TIMM17A: variants seen among roughly 807,000 people sequenced by gnomAD.
TIMM17A encodes the protein translocase of inner mitochondrial membrane 17A.
In TIMM17A, 15 loss-of-function variants were observed where a neutral mutation model predicts 26.5. That is an observed-to-expected ratio of 0.57 (90% CI 0.38 to 0.87). The LOEUF (loss-of-function observed/expected upper bound fraction) is 0.87, where lower values mean the gene tolerates loss of function less well. Among genes scored for constraint, TIMM17A ranks in the 40% least tolerant of loss-of-function variants. The pLI is 0.00. For missense variants in TIMM17A, 201 were observed against 210.0 expected, an observed-to-expected ratio of 0.96 and a Z score of 0.27; for synonymous variants, 80 against 70.8, an observed-to-expected ratio of 1.13 and a Z score of -0.66.
At chr1:201,955,925 G>T (rs1373802642) in intron 1 of TIMM17A, among the ~76,000 whole-genome samples, 1 of 152,198 alleles carries the variant, frequency 6.6e-6, no homozygotes, top group Non-Finnish European at 1.5e-5. Flanking sequence ...CCTCCGTCTC[G>T]CCTTGCTCAG....
intron 1 of TIMM17A, 36 bp from the exon 2 acceptor site, chr1:201,957,245 T>C: frequency 2.9e-6 from 4 of 1,360,166 alleles, no homozygotes; most frequent in Non-Finnish European, 4.2e-6. Flanking sequence ...GGTTTGTGAA[T>C]GAGAAATATG....
At position 201,969,694 on chromosome 1, in the gene TIMM17A, T is replaced by G. The variant is rs1682698011; in HGVS notation, c.*140T>G. 1.6e-6 allele frequency: 1 copy of G among 621,826 alleles called. No homozygotes were observed. Among genetic ancestry groups the G allele is most frequent in the East Asian group, 2.9e-5 (1 of 35,070 alleles). 38.5% of individuals were successfully genotyped at this position (621,826 alleles called of 1,614,324 possible). A position where few individuals can be genotyped will look rare whatever the true frequency, so the allele number is the denominator to read the frequency against. ...CTATAAAGAGACATTTAGCACTTTTTTCTATTTAAAGGAACAAGCGGGGAA... is the reference window on the plus strand; with the variant it reads ...CTATAAAGAGACATTTAGCACTTTTGTCTATTTAAAGGAACAAGCGGGGAA... On this transcript the variant is annotated 3_prime_UTR_variant, in exon 6 of 6. Coordinates refer to ENST00000367287, the MANE Select transcript of TIMM17A (RefSeq NM_006335.3).
chr1:201,957,744 A>G (rs1179359349), intron 3 of TIMM17A, 170 bp downstream of exon 3: 2 of 569,848 alleles, frequency 3.5e-6, no homozygotes, highest in Admixed American at 3.7e-5. Context: ...TGAAAAATTA[A>G]CCTGAATTAT....
At chr1:201,960,127 C>T (rs563489280) in intron 3 of TIMM17A, among the ~76,000 whole-genome samples, 1 of 152,186 alleles carries the variant, frequency 6.6e-6, no homozygotes, top group South Asian at 2.1e-4. Flanking sequence ...CGGCCGGGCA[C>T]AGTGGCTCAC....
At chr1:201,963,405 G>C (rs1682569862) in intron 3 of TIMM17A, 1 of 485,816 alleles carries the variant, frequency 2.1e-6, no homozygotes, top group African/African-American at 2.0e-5. Flanking sequence ...TTGGGCCGTT[G>C]CTAATTTTCC....
chr1:201,957,882 A>C (rs1013222128), intron 3 of TIMM17A: 6 of 245,908 alleles, frequency 2.4e-5, no homozygotes, highest in Non-Finnish European at 4.7e-5. Context: ...TCACGCCTGT[A>C]ATCCCAGCAC....
intron 5 of TIMM17A, among the ~76,000 whole-genome samples, chr1:201,969,210 C>T (rs911838040): frequency 2.6e-5 from 4 of 152,086 alleles, no homozygotes; most frequent in East Asian, 3.9e-4. Flanking sequence ...ATAATTAATC[C>T]GTCTGACTTT....
intron 1 of TIMM17A, among the ~76,000 whole-genome samples, 153 bp downstream of exon 1, chr1:201,955,705 C>A (rs1185888174): frequency 6.6e-6 from 1 of 152,264 alleles, no homozygotes; most frequent in Non-Finnish European, 1.5e-5. Flanking sequence ...CGCGGCCAGT[C>A]GGCTTCTTAG....
rs1682441215 is a variant in TIMM17A at position 201,957,707 on chromosome 1, T to C, written c.190+133T>C. ...GGTTTGTCACAAACATATATCCCTA[T>C]AGTTTCTTCTTGATTTGTAGTTTGT... On this transcript the variant is annotated intron_variant, in intron 3 of 5. Transcript: ENST00000367287. 9.3e-6 allele frequency: 6 copies of C among 642,862 alleles called. No individual in the cohort carries two copies. In the South Asian group the frequency reaches 1.5e-4, roughly 16 times the overall value. The allele number at this position is 642,862 out of a possible 1,614,324, so 39.8% of individuals were successfully genotyped here. A position where few individuals can be genotyped will look rare whatever the true frequency, so the allele number is the denominator to read the frequency against.
At chr1:201,957,688 T>G (rs183495676) in intron 3 of TIMM17A, 114 bp downstream of exon 3, 1,141 of 850,290 alleles carry the variant, frequency 1.3e-3, no homozygotes, top group Non-Finnish European at 1.8e-3. Flanking sequence ...TAACGGTTTG[T>G]CACAAACATA....
chr1:201,967,695 G>C (rs1428726007), intron 5 of TIMM17A, among the ~76,000 whole-genome samples: 1 of 151,110 alleles, frequency 6.6e-6, no homozygotes, highest in Non-Finnish European at 1.5e-5. Context: ...GGTGTGCACC[G>C]CTATGCCCGG....
At chr1:201,962,260 G>A (rs2820308) in intron 3 of TIMM17A, 118,134 of 152,148 alleles carry the variant, frequency 0.78, 46,256 homozygotes, top group Non-Finnish European at 0.83. Flanking sequence ...TAACTGGTTT[G>A]TTTTTACATA....
chr1:201,963,767 C>T (rs1403521857), intron 4 of TIMM17A, 23 bp downstream of exon 4: 1 of 1,570,378 alleles, frequency 6.4e-7, no homozygotes, highest in Non-Finnish European at 8.6e-7. Context: ...TACAGACATA[C>T]TAGTAGAAGC....
chr1:201,967,036 A>G (rs1254282295), intron 5 of TIMM17A, among the ~76,000 whole-genome samples: 2 of 79,952 alleles, frequency 2.5e-5, no homozygotes, highest in African/African-American at 4.6e-5. Context: ...TAGTGAGGAT[A>G]GTAGTAGTGA....
At chr1:201,964,655 T>A (rs1228075428) in intron 4 of TIMM17A, among the ~76,000 whole-genome samples, 45 of 132,388 alleles carry the variant, frequency 3.4e-4, no homozygotes, top group South Asian at 1.2e-3. Context: ...TTTTTTTTTT[T>A]TTTTTTTTTT....
At chr1:201,969,373 TTTG>T in intron 5 of TIMM17A, 93 bp from the exon 6 acceptor site, 1 of 970,814 alleles carries the variant, frequency 1.0e-6, no homozygotes, top group Non-Finnish European at 1.6e-6. Flanking sequence ...AGCACATTTT[TTTG>T]TTGTTGATTG....
chr1:201,968,259 C>A (rs922540906), intron 5 of TIMM17A, among the ~76,000 whole-genome samples: 1 of 152,002 alleles, frequency 6.6e-6, no homozygotes, highest in Non-Finnish European at 1.5e-5. Context: ...CCTTGACCTC[C>A]CAAAGTGCTG....
At chr1:201,955,678 TG>T in intron 1 of TIMM17A, 126 bp downstream of exon 1, 1 of 1,318,062 alleles carries the variant, frequency 7.6e-7, no homozygotes. Context: ...GCCTGGTAAC[TG>T]GGCAATGCGG....
At chr1:201,962,586 A>G (rs550900636) in intron 3 of TIMM17A, 1 of 152,142 alleles carries the variant, frequency 6.6e-6, no homozygotes, top group Non-Finnish European at 1.5e-5. Context: ...TTCTGACCTC[A>G]TGATCCACCC....
Sources: allele counts gnomAD v4.1 joint callset (sites outside exome capture counted in the v4.1 genomes callset), GRCh38; gene constraint gnomAD v4.1.1; transcripts MANE v1.5; gene names NCBI Gene and HGNC (gene_info 2026-07-23, HGNC 2026-07-21).